The following GLIS3 variants were observed in gnomAD, a reference collection of about 807,000 sequenced individuals.
GLIS3 encodes the protein zinc finger protein GLIS3.
A neutral mutation model predicts 78.6 loss-of-function variants in GLIS3; 53 were observed. That is an observed-to-expected ratio of 0.67 (90% CI 0.54 to 0.85). GLIS3 has a LOEUF of 0.85. GLIS3 is among the 40% of genes least tolerant of loss of function. The probability of loss-of-function intolerance (pLI) is 0.00; values close to 1 mark genes in which losing one functional copy is unlikely to be tolerated. For synonymous variants in GLIS3, 684 were observed against 509.9 expected, an observed-to-expected ratio of 1.34 and a Z score of -4.60; for missense variants, 1,703 against 1,231.1, an observed-to-expected ratio of 1.38 and a Z score of -5.74.
the GLIS3 span, among the ~76,000 whole-genome samples, chr9:4,395,084 G>A: frequency 2.0e-5 from 3 of 152,152 alleles, no homozygotes; most frequent in African/African-American, 4.8e-5. Context: ...AAGAAGTAAA[G>A]GGGCATTTAT....
At position 3,985,063 on chromosome 9, in the gene GLIS3, G is replaced by T. The variant is rs140047474; in HGVS notation, c.1711-47874C>A. 1.4e-3 allele frequency among the ~76,000 whole-genome samples: 218 copies of T among 150,714 alleles called. 3 individuals carry two copies. The East Asian group carries it at 0.04, about 28-fold the overall frequency. On this transcript the variant is annotated intron_variant, in intron 4 of 10. Coordinates refer to ENST00000381971, the MANE Select transcript of GLIS3 (RefSeq NM_001042413.2). ...AGTCTCAGGTATGTCTTCATCAGCA[G>T]TGTAAGAACAGACTAGTACAGAGCT... is the stretch of plus-strand genomic sequence containing the variant.
chr9:4,105,572 CTTAA>C (rs1225540970), intron 4 of GLIS3, among the ~76,000 whole-genome samples: 3 of 152,150 alleles, frequency 2.0e-5, no homozygotes. Flanking sequence ...AATATGTACT[CTTAA>C]TTTTAAACTA....
the GLIS3 span, among the ~76,000 whole-genome samples, chr9:4,469,527 T>C: frequency 2.6e-3 from 396 of 151,880 alleles, 1 homozygote; most frequent in African/African-American, 9.1e-3. Flanking sequence ...AACATGCTAC[T>C]GAATGACTAC....
chr9:4,372,216 G>A, the GLIS3 span, among the ~76,000 whole-genome samples: 1 of 152,202 alleles, frequency 6.6e-6, no homozygotes, highest in African/African-American at 2.4e-5. Flanking sequence ...TACCACCCGT[G>A]CAGTTGCCAG....
chr9:4,112,645 A>G (rs1831314113), intron 4 of GLIS3, among the ~76,000 whole-genome samples: 1 of 152,238 alleles, frequency 6.6e-6, no homozygotes, highest in African/African-American at 2.4e-5. Context: ...GAACAGCTAA[A>G]TAACAGTCGT....
chr9:4,280,945 C>G (rs1827488109), intron 2 of GLIS3, among the ~76,000 whole-genome samples: 1 of 152,166 alleles, frequency 6.6e-6, no homozygotes, highest in African/African-American at 2.4e-5. Flanking sequence ...CCCAACTGTT[C>G]TCAGTTCATA....
At chr9:4,234,478 T>G (rs1822538848) in intron 2 of GLIS3, among the ~76,000 whole-genome samples, 2 of 152,228 alleles carry the variant, frequency 1.3e-5, no homozygotes, top group Non-Finnish European at 2.9e-5. Context: ...TGGTTAAGTT[T>G]GTCATTTTAG....
chr9:3,987,849 G>A (rs1819897590), intron 4 of GLIS3, among the ~76,000 whole-genome samples: 1 of 134,292 alleles, frequency 7.4e-6, no homozygotes, highest in Admixed American at 7.4e-5. Flanking sequence ...GATAAACTCA[G>A]GAAAATATAC....
chr9:4,388,242 A>G, the GLIS3 span, among the ~76,000 whole-genome samples: 1 of 152,192 alleles, frequency 6.6e-6, no homozygotes, highest in Non-Finnish European at 1.5e-5. Context: ...AGCAAGCAAA[A>G]AATATTAAAA....
the GLIS3 span, among the ~76,000 whole-genome samples, chr9:4,388,185 G>T: frequency 6.6e-6 from 1 of 152,166 alleles, no homozygotes; most frequent in East Asian, 1.9e-4. Context: ...ATACCCATAA[G>T]TGCACATAAC....
intron 6 of GLIS3, among the ~76,000 whole-genome samples, chr9:3,908,778 A>C (rs1404634268): frequency 8.2e-6 from 1 of 122,574 alleles, no homozygotes; most frequent in African/African-American, 3.1e-5. Context: ...CAAGAGATGG[A>C]AATTTTACTC....
intron 4 of GLIS3, among the ~76,000 whole-genome samples, chr9:3,988,949 T>G (rs1819994102): frequency 6.6e-6 from 1 of 152,128 alleles, no homozygotes; most frequent in Non-Finnish European, 1.5e-5. Flanking sequence ...TGGTGAAACC[T>G]CATGGGAAGA....
chr9:4,138,282 C>G (rs1833556634), intron 2 of GLIS3, among the ~76,000 whole-genome samples: 1 of 152,166 alleles, frequency 6.6e-6, no homozygotes, highest in South Asian at 2.1e-4. Flanking sequence ...CCTCAGTTTC[C>G]CAAAGACACA....
At chr9:4,160,686 T>G (rs892241676) in intron 2 of GLIS3, among the ~76,000 whole-genome samples, 1 of 152,222 alleles carries the variant, frequency 6.6e-6, no homozygotes, top group African/African-American at 2.4e-5. Flanking sequence ...TATTACAATT[T>G]CAATATTTAT....
intron 2 of GLIS3, among the ~76,000 whole-genome samples, chr9:4,246,476 A>C (rs1823814630): frequency 6.6e-6 from 1 of 152,192 alleles, no homozygotes; most frequent in Non-Finnish European, 1.5e-5. Context: ...TTATACGGCT[A>C]CCATTTCCAT....
chr9:3,863,450 G>A (rs1820366539), intron 8 of GLIS3, among the ~76,000 whole-genome samples: 1 of 152,376 alleles, frequency 6.6e-6, no homozygotes, highest in South Asian at 2.1e-4. Flanking sequence ...CTGGGGCAGG[G>A]CAAGAGCTGT....
intron 4 of GLIS3, among the ~76,000 whole-genome samples, chr9:4,102,850 C>G (rs951885230): frequency 8.6e-5 from 13 of 151,990 alleles, no homozygotes; most frequent in African/African-American, 3.1e-4. Flanking sequence ...GCCTTTCAAG[C>G]ACTGTTGCAA....
chr9:4,421,336 G>A, the GLIS3 span, among the ~76,000 whole-genome samples: 1 of 152,198 alleles, frequency 6.6e-6, no homozygotes, highest in East Asian at 1.9e-4. Context: ...GGTTCCAACT[G>A]AAAGATGCTG....
intron 9 of GLIS3, among the ~76,000 whole-genome samples, chr9:3,848,897 T>G (rs1458016768): frequency 6.6e-6 from 1 of 152,230 alleles, no homozygotes; most frequent in East Asian, 1.9e-4. Context: ...GTCTGGGAGC[T>G]GACTGGCCTG....
Sources: allele counts gnomAD v4.1 joint callset (sites outside exome capture counted in the v4.1 genomes callset), GRCh38; gene constraint gnomAD v4.1.1; transcripts MANE v1.5; gene names NCBI Gene and HGNC (gene_info 2026-07-23, HGNC 2026-07-21).